TJP1: variants seen among roughly 807,000 people sequenced by gnomAD.
TJP1 encodes the protein tight junction protein 1.
In TJP1, 43 loss-of-function variants were observed where a neutral mutation model predicts 194.2. That is an observed-to-expected ratio of 0.22 (90% CI 0.17 to 0.29). The LOEUF is 0.29. TJP1 is among the 10% of genes least tolerant of loss of function. The pLI is 1.00. For missense variants in TJP1, 1,971 were observed against 2,185.7 expected (o/e 0.90, Z 1.96); for synonymous variants, 801 against 779.0 (o/e 1.03, Z -0.47).
chr15:29,737,813 A>C (rs2044136631), intron 10 of TJP1, among the ~76,000 whole-genome samples: 2 of 152,204 alleles, frequency 1.3e-5, no homozygotes, highest in African/African-American at 4.8e-5. Flanking sequence ...ATAAAGGTAG[A>C]AATTGAAGTA....
intron 2 of TJP1, among the ~76,000 whole-genome samples, chr15:29,862,889 C>A (rs1183922585): frequency 6.6e-6 from 1 of 150,766 alleles, no homozygotes; most frequent in Non-Finnish European, 1.5e-5. Context: ...ACTTCGTGAT[C>A]CGCCCGCCTC....
chr15:29,870,148 T>C (rs562065426), intron 2 of TJP1, among the ~76,000 whole-genome samples: 1 of 148,686 alleles, frequency 6.7e-6, no homozygotes, highest in South Asian at 2.3e-4. Context: ...CCCTTTCCTC[T>C]TTCTAATATC....
chr15:29,961,334 C>CCTTTTTT (rs1341526883), intron 1 of TJP1, among the ~76,000 whole-genome samples: 1 of 89,836 alleles, frequency 1.1e-5, no homozygotes, highest in Non-Finnish European at 1.9e-5. Flanking sequence ...TTTCCTAATT[C>CCTTTTTT]TTTTTTTTTT....
rs1014001063 is a variant in TJP1, at chr15:29,805,890, A to C, written c.28-5188T>G. 3.9e-5 allele frequency among the ~76,000 whole-genome samples: 6 copies of C among 152,318 alleles called. 1 individual carries two copies. Among genetic ancestry groups the C allele is most frequent in the Admixed American group, 3.9e-4 (6 of 15,302 alleles). On this transcript the variant is annotated intron_variant, in intron 1 of 27. Transcript: ENST00000614355. ...AAGTGGAGAAAGATGTTTCAGAAGA[A>C]ACAGCATGTCAGCAAGATTGTGTGA...
chr15:29,735,393 A>G (rs1240108384), intron 11 of TJP1, among the ~76,000 whole-genome samples: 1 of 152,058 alleles, frequency 6.6e-6, no homozygotes, highest in Non-Finnish European at 1.5e-5. Flanking sequence ...ATTTGAGACC[A>G]GTCTGGGCCA....
chr15:29,720,108 A>T (rs1005122025), intron 19 of TJP1, 92 bp from the exon 20 acceptor site: 6 of 1,472,934 alleles, frequency 4.1e-6, no homozygotes, highest in African/African-American at 2.8e-5. Flanking sequence ...CATACATTTT[A>T]AGTGTGCTGA....
At chr15:29,723,825 G>T (rs1219204387) in intron 18 of TJP1, among the ~76,000 whole-genome samples, 1 of 152,170 alleles carries the variant, frequency 6.6e-6, no homozygotes, top group Non-Finnish European at 1.5e-5. Context: ...AAGTATTTGA[G>T]GGAAAGGAAG....
At chr15:29,829,587 C>G (rs1031754792) in intron 2 of TJP1, among the ~76,000 whole-genome samples, 16 of 149,930 alleles carry the variant, frequency 1.1e-4, no homozygotes, top group African/African-American at 3.7e-4. Flanking sequence ...TTAGATTAGT[C>G]TGTCCTCCCA....
chr15:29,917,951 C>T (rs2054237987), intron 2 of TJP1, among the ~76,000 whole-genome samples: 1 of 152,178 alleles, frequency 6.6e-6, no homozygotes, highest in African/African-American at 2.4e-5. Context: ...TTCATCTTCC[C>T]AAACTGAAAC....
chr15:29,869,172 A>T (rs1248932212), intron 2 of TJP1, among the ~76,000 whole-genome samples: 2 of 152,236 alleles, frequency 1.3e-5, no homozygotes, highest in Admixed American at 6.5e-5. Context: ...CAAATGTAAA[A>T]ATGAAGCCAT....
chr15:29,893,285 T>C (rs779305921), intron 2 of TJP1, among the ~76,000 whole-genome samples: 41 of 152,224 alleles, frequency 2.7e-4, no homozygotes, highest in Admixed American at 5.2e-4. Flanking sequence ...AGACAATGGT[T>C]TCTCGAGATA....
At chr15:29,784,995 G>A (rs950949600) in intron 2 of TJP1, among the ~76,000 whole-genome samples, 1 of 152,206 alleles carries the variant, frequency 6.6e-6, no homozygotes, top group Non-Finnish European at 1.5e-5. Flanking sequence ...GACTTACTAA[G>A]AGACTATCAT....
At chr15:29,762,898 T>C (rs148959541) in intron 5 of TJP1, among the ~76,000 whole-genome samples, 1 of 152,202 alleles carries the variant, frequency 6.6e-6, no homozygotes, top group African/African-American at 2.4e-5. Flanking sequence ...ACACTATGCC[T>C]GGCTAGAGAT....
At chr15:29,861,424 T>A (rs1159893109) in intron 2 of TJP1, among the ~76,000 whole-genome samples, 1 of 152,180 alleles carries the variant, frequency 6.6e-6, no homozygotes, top group Non-Finnish European at 1.5e-5. Flanking sequence ...GTTGCAATTT[T>A]TTGAATTGCA....
chr15:29,789,924 A>G (rs2151801844), intron 2 of TJP1, among the ~76,000 whole-genome samples: 1 of 152,328 alleles, frequency 6.6e-6, no homozygotes, highest in Middle Eastern at 3.4e-3. Context: ...TTCAAACTGA[A>G]GCCTATTTAA....
At chr15:29,832,855 T>G (rs2050880406) in intron 2 of TJP1, among the ~76,000 whole-genome samples, 1 of 152,218 alleles carries the variant, frequency 6.6e-6, no homozygotes. Flanking sequence ...TGCTGGCAGA[T>G]GGCCTGGCCT....
rs779402261 is a variant in TJP1 at position 29,742,809 on chromosome 15, G to A, written c.1011-28C>T. Reference sequence around the variant, plus strand: ...GTGTGTCATTAAAATAAAAAATCAAGAGCATAAGAATGATTCTGGAAAGCA... The same window carrying A: ...GTGTGTCATTAAAATAAAAAATCAAAAGCATAAGAATGATTCTGGAAAGCA... On this transcript the variant is annotated intron_variant, in intron 8 of 27. Coordinates refer to ENST00000614355, the MANE Select transcript of TJP1 (RefSeq NM_001330239.4). 14 of 1,558,378 alleles carry A rather than the reference G, an allele frequency of 9.0e-6. 1 individual carries two copies. Among genetic ancestry groups the A allele is most frequent in the Non-Finnish European group, 1.1e-5 (13 of 1,157,954 alleles).
intron 1 of TJP1, among the ~76,000 whole-genome samples, chr15:29,803,542 A>G (rs1595952124): frequency 6.6e-6 from 1 of 152,292 alleles, no homozygotes; most frequent in South Asian, 2.1e-4. Flanking sequence ...ACTTACGATG[A>G]GTTTAATCAG....
At chr15:29,765,745 A>T (rs1277809997) in intron 5 of TJP1, among the ~76,000 whole-genome samples, 1 of 152,166 alleles carries the variant, frequency 6.6e-6, no homozygotes, top group African/African-American at 2.4e-5. Flanking sequence ...TAAAAAAATT[A>T]GCTGGACATG....
Sources: allele counts gnomAD v4.1 joint callset (sites outside exome capture counted in the v4.1 genomes callset), GRCh38; gene constraint gnomAD v4.1.1; transcripts MANE v1.5; gene names NCBI Gene and HGNC (gene_info 2026-07-23, HGNC 2026-07-21).